The following CADPS variants were observed in gnomAD, a reference collection of about 807,000 sequenced individuals.
The protein encoded by CADPS is calcium dependent secretion activator.
In CADPS, 57 loss-of-function variants were observed where a neutral mutation model predicts 167.3. That is an observed-to-expected ratio of 0.34 (90% CI 0.28 to 0.42). The LOEUF (loss-of-function observed/expected upper bound fraction) is 0.42, where lower values mean the gene tolerates loss of function less well. Among genes scored for constraint, CADPS ranks in the 20% least tolerant of loss-of-function variants. The pLI is 1.00. For missense variants in CADPS, 1,414 were observed against 1,738.1 expected (o/e 0.81, Z 3.32); for synonymous variants, 676 against 635.3 (o/e 1.06, Z -0.96).
At chr3:62,858,364 G>A (rs1246089026) in intron 1 of CADPS, among the ~76,000 whole-genome samples, 1 of 152,066 alleles carries the variant, frequency 6.6e-6, no homozygotes, top group Non-Finnish European at 1.5e-5. Flanking sequence ...ATCAGGAGAG[G>A]AGCCCCAAAA....
chr3:62,751,791 C>T (rs147014604), intron 3 of CADPS, among the ~76,000 whole-genome samples: 10 of 152,214 alleles, frequency 6.6e-5, no homozygotes, highest in African/African-American at 2.2e-4. Context: ...TTTAATATTA[C>T]TGTACTTTTT....
intron 3 of CADPS, among the ~76,000 whole-genome samples, chr3:62,667,431 G>A (rs1012504431): frequency 2.0e-5 from 3 of 151,898 alleles, no homozygotes; most frequent in African/African-American, 7.3e-5. Flanking sequence ...GTGACCTCTC[G>A]GTGCACAGTC....
chr3:62,812,533 G>C (rs116544558), intron 1 of CADPS, among the ~76,000 whole-genome samples: 17 of 152,268 alleles, frequency 1.1e-4, no homozygotes, highest in African/African-American at 4.1e-4. Context: ...CACACATCAA[G>C]AGTCATTCAG....
At chr3:62,549,754 C>T (rs1424212904) in intron 11 of CADPS, 149 bp downstream of exon 11, 2 of 646,102 alleles carry the variant, frequency 3.1e-6, no homozygotes, top group Non-Finnish European at 5.3e-6. Flanking sequence ...TAACATTTGC[C>T]CCAACTTTCC....
intron 6 of CADPS, among the ~76,000 whole-genome samples, chr3:62,599,804 A>ATT (rs1562714694): frequency 3.8e-4 from 5 of 13,192 alleles, no homozygotes; most frequent in South Asian, 2.9e-3. Context: ...TATAATATAT[A>ATT]ATAAATAATA....
rs1050927765 is a variant in CADPS, at chr3:62,544,922, A to G, written c.1966+4981T>C. ...AACATAAAGACTAGCAACAAGGCTC[A>G]GGAAAGCAGACAGGAGTTCTAACCT... On this transcript the variant is annotated intron_variant, in intron 11 of 29. Transcript: ENST00000383710. This position sits in a 1 kb window ranked among gnomAD's most constrained non-coding sequence, Gnocchi z 4.4. 1.1e-5 allele frequency: 12 copies of G among 1,051,904 alleles called. No homozygotes were observed. In the East Asian group the frequency reaches 8.8e-4, roughly 77 times the overall value. 65.2% of individuals were successfully genotyped at this position (1,051,904 alleles called of 1,614,324 possible).
intron 26 of CADPS, among the ~76,000 whole-genome samples, chr3:62,460,610 G>C (rs2059222566): frequency 6.6e-6 from 1 of 152,208 alleles, no homozygotes; most frequent in African/African-American, 2.4e-5. Context: ...CATTGATTCA[G>C]TTTGGGCTTT....
Position 62,403,195 on chromosome 3 carries a change from G to A in CADPS, c.3778-10C>T. The A allele has an allele frequency of 6.2e-7, 1 of 1,601,136 alleles. No homozygotes were observed. Among genetic ancestry groups the A allele is most frequent in the Non-Finnish European group, 8.6e-7 (1 of 1,168,832 alleles). Reference sequence around the variant, plus strand: ...AGCTGTTGTACCATTGCTGAAAAAAGAGACAAAAGTTCTCCAGCCAACACA... The same window carrying A: ...AGCTGTTGTACCATTGCTGAAAAAAAAGACAAAAGTTCTCCAGCCAACACA... On this transcript the variant is annotated splice_polypyrimidine_tract_variant and intron_variant, in intron 28 of 29. Coordinates refer to ENST00000383710, the MANE Select transcript of CADPS (RefSeq NM_003716.4).
chr3:62,582,474 C>A (rs2083627470), intron 8 of CADPS, among the ~76,000 whole-genome samples: 1 of 152,082 alleles, frequency 6.6e-6, no homozygotes, highest in South Asian at 2.1e-4. Flanking sequence ...CTTTTTTTCT[C>A]CCATTTTCCA....
rs376128535 is a variant in CADPS at position 62,522,177 on chromosome 3, C to T, written c.2292-3927G>A. The stretch of plus-strand genomic sequence containing the variant: ...ACTATTGAGACAGGGTCTCATTCAG[C>T]CTAAGGTGGAGTGCAGTGGCGCAAT... On this transcript the variant is annotated intron_variant, in intron 13 of 29. Coordinates refer to ENST00000383710, the MANE Select transcript of CADPS (RefSeq NM_003716.4). 2.2e-3 allele frequency among the ~76,000 whole-genome samples: 341 copies of T among 152,022 alleles called. 1 individual carries two copies. Among genetic ancestry groups the T allele is most frequent in the African/African-American group, 7.8e-3 (322 of 41,448 alleles).
At chr3:62,423,061 C>T (rs539066307) in intron 28 of CADPS, among the ~76,000 whole-genome samples, 41 of 152,186 alleles carry the variant, frequency 2.7e-4, no homozygotes, top group African/African-American at 9.4e-4. Flanking sequence ...TGAGACCTAC[C>T]CCTTAGTTAG....
At chr3:62,494,289 C>A (rs909192783) in intron 18 of CADPS, among the ~76,000 whole-genome samples, 1 of 152,142 alleles carries the variant, frequency 6.6e-6, no homozygotes, top group Non-Finnish European at 1.5e-5. Flanking sequence ...GATAGAGAAA[C>A]CCTCCATGCC....
At chr3:62,767,047 C>G (rs2087070519) in intron 1 of CADPS, among the ~76,000 whole-genome samples, 1 of 152,098 alleles carries the variant, frequency 6.6e-6, no homozygotes, top group South Asian at 2.1e-4. Flanking sequence ...TTTCAGGTAT[C>G]TTTTCATTGG....
At chr3:62,558,923 T>C (rs949710170) in intron 9 of CADPS, among the ~76,000 whole-genome samples, 5 of 152,198 alleles carry the variant, frequency 3.3e-5, no homozygotes, top group African/African-American at 1.2e-4. Flanking sequence ...AAGTAATCAA[T>C]AGCACACTCT....
chr3:62,438,161 A>G lies in CADPS; in HGVS notation c.3720T>C (p.Ser1240=), dbSNP rs1242822592. 6.2e-7 allele frequency: 1 copy of G among 1,613,694 alleles called. No individual in the cohort carries two copies. Among genetic ancestry groups the G allele is most frequent in the East Asian group, 2.2e-5 (1 of 44,880 alleles). ...TGACCTTATCACGCAGGACATCCTG[A>G]GAATGGCGGACGAAAGTCACGTAGG... ...ADAYVTFVRH[S]QDVLRDKVNE... Residue 1240 remains serine (S), a synonymous_variant, in exon 28 of 30, where the codon TCT becomes TCC. Coordinates refer to ENST00000383710, the MANE Select transcript of CADPS (RefSeq NM_003716.4). The surrounding 1 kb of genome is among the most constrained non-coding windows in gnomAD (Gnocchi z 4.7).
intron 1 of CADPS, among the ~76,000 whole-genome samples, chr3:62,795,149 A>C (rs1243067025): frequency 6.6e-6 from 1 of 152,002 alleles, no homozygotes; most frequent in Non-Finnish European, 1.5e-5. Flanking sequence ...CTTCCTCAAA[A>C]TCTTGATCTC....
At chr3:62,479,308 G>T (rs933090326) in intron 22 of CADPS, among the ~76,000 whole-genome samples, 6 of 152,152 alleles carry the variant, frequency 3.9e-5, no homozygotes, top group African/African-American at 7.2e-5. Context: ...GCCCTTTTCT[G>T]GCTGGCTGTC....
At chr3:62,758,702 C>G (rs1382931791) in intron 2 of CADPS, among the ~76,000 whole-genome samples, 1 of 152,200 alleles carries the variant, frequency 6.6e-6, no homozygotes, top group Non-Finnish European at 1.5e-5. Context: ...ATAAATCCTC[C>G]CTGCTTTTCT....
intron 6 of CADPS, among the ~76,000 whole-genome samples, chr3:62,599,168 G>T (rs975468337): frequency 6.6e-6 from 1 of 151,960 alleles, no homozygotes; most frequent in Non-Finnish European, 1.5e-5. Flanking sequence ...AATATTTATT[G>T]CAAGCAGAAG....
Sources: gnomAD v4.1 joint callset for allele counts (sites outside exome capture counted in the v4.1 genomes callset) on GRCh38, gnomAD v4.1.1 for gene constraint, Gnocchi (gnomAD v3.1) non-coding constraint, MANE v1.5 for transcripts, NCBI Gene and HGNC (gene_info 2026-07-23, HGNC 2026-07-21) for gene names.